NTRK3: variants seen among roughly 807,000 people sequenced by gnomAD.
The protein encoded by NTRK3 is NT-3 growth factor receptor.
NTRK3 carries 24 observed loss-of-function variants against 91.7 expected under a neutral mutation model. That is an observed-to-expected ratio of 0.26 (90% CI 0.19 to 0.37). The LOEUF (loss-of-function observed/expected upper bound fraction) is 0.37. Among genes scored for constraint, NTRK3 ranks in the 10% least tolerant of loss-of-function variants. The pLI is 1.00. For synonymous variants in NTRK3, 483 were observed against 404.0 expected, an observed-to-expected ratio of 1.20 and a Z score of -2.34; for missense variants, 880 against 1,068.9, an observed-to-expected ratio of 0.82 and a Z score of 2.46.
chr15:87,964,880 C>A (rs2072646583), intron 14 of NTRK3, among the ~76,000 whole-genome samples: 1 of 152,184 alleles, frequency 6.6e-6, no homozygotes, highest in African/African-American at 2.4e-5. Context: ...TTTCTCCATT[C>A]ACCAGTCAAT....
chr15:87,918,888 G>A (rs554972372), intron 17 of NTRK3, among the ~76,000 whole-genome samples: 1 of 152,154 alleles, frequency 6.6e-6, no homozygotes, highest in East Asian at 1.9e-4. Flanking sequence ...GTTAACTAGA[G>A]TTGAGGTTAA....
At chr15:88,136,687 G>T (rs2041908693) in intron 7 of NTRK3, 78 bp from the exon 8 acceptor site, 1 of 1,539,954 alleles carries the variant, frequency 6.5e-7, no homozygotes, top group African/African-American at 1.4e-5. Context: ...GGGGCTGATG[G>T]TGGCACTTCT....
At chr15:88,091,615 G>C (rs2049021719) in intron 13 of NTRK3, among the ~76,000 whole-genome samples, 1 of 152,172 alleles carries the variant, frequency 6.6e-6, no homozygotes. Flanking sequence ...ATGGGCACAA[G>C]GGTAGGGAGA....
At chr15:88,238,095 T>C (rs1019924112) in intron 3 of NTRK3, among the ~76,000 whole-genome samples, 2 of 151,986 alleles carry the variant, frequency 1.3e-5, no homozygotes, top group Admixed American at 1.3e-4. Flanking sequence ...CATGTAAAGA[T>C]ACAGTGAGAA....
intron 13 of NTRK3, among the ~76,000 whole-genome samples, chr15:88,046,030 C>A (rs558643455): frequency 2.6e-5 from 4 of 152,340 alleles, no homozygotes; most frequent in African/African-American, 9.6e-5. Context: ...GGACACAATT[C>A]AACCCACAGC....
intron 17 of NTRK3, among the ~76,000 whole-genome samples, chr15:87,923,440 G>A (rs1474286373): frequency 6.6e-6 from 1 of 152,178 alleles, no homozygotes; most frequent in Non-Finnish European, 1.5e-5. Context: ...CCCCACACAA[G>A]GAAAAGGGTA....
chr15:87,908,308 A>G (rs1255753886), intron 17 of NTRK3, among the ~76,000 whole-genome samples: 1 of 151,996 alleles, frequency 6.6e-6, no homozygotes, highest in Non-Finnish European at 1.5e-5. Context: ...AAGCACATCA[A>G]TGGCTTTGGC....
intron 7 of NTRK3, among the ~76,000 whole-genome samples, 195 bp downstream of exon 7, chr15:88,137,209 C>T (rs1228684184): frequency 1.3e-5 from 2 of 152,184 alleles, no homozygotes; most frequent in East Asian, 1.9e-4. Flanking sequence ...CTTCCTATGG[C>T]TCGTGCACAA....
At chr15:88,009,941 A>G (rs2076754539) in intron 14 of NTRK3, among the ~76,000 whole-genome samples, 4 of 152,228 alleles carry the variant, frequency 2.6e-5, no homozygotes, top group Admixed American at 2.0e-4. Context: ...CAGATCCACC[A>G]AACTTATCCA....
chr15:87,887,942 A>C (rs192968195), intron 17 of NTRK3, among the ~76,000 whole-genome samples: 67 of 152,298 alleles, frequency 4.4e-4, no homozygotes, highest in Non-Finnish European at 8.7e-4. Flanking sequence ...CTACTGACCC[A>C]AGCTCTCAAT....
chr15:88,070,355 C>T (rs559713603), intron 13 of NTRK3, among the ~76,000 whole-genome samples: 1 of 152,046 alleles, frequency 6.6e-6, no homozygotes, highest in African/African-American at 2.4e-5. Context: ...CCAACTTGAG[C>T]CAGAAGGAAG....
At chr15:87,880,306 A>G (rs2065173547) in exon 18 of NTRK3, 1 of 1,613,896 alleles carries the variant, frequency 6.2e-7, no homozygotes, top group Non-Finnish European at 8.5e-7. Flanking sequence ...GCTGCTTTCC[A>G]TAGGTGAAGA....
chr15:88,161,886 A>G (rs1401065792), intron 5 of NTRK3, among the ~76,000 whole-genome samples: 1 of 152,152 alleles, frequency 6.6e-6, no homozygotes, highest in Non-Finnish European at 1.5e-5. Flanking sequence ...AGGAGCTGGC[A>G]GGGATTTTTT....
At chr15:87,952,206 GA>G (rs2071182834) in intron 14 of NTRK3, among the ~76,000 whole-genome samples, 1 of 140,466 alleles carries the variant, frequency 7.1e-6, no homozygotes, top group Non-Finnish European at 1.6e-5. Context: ...AGGAAAGAAA[GA>G]AAGAAGAAAA....
At chr15:87,970,621 G>T (rs11630902) in intron 14 of NTRK3, among the ~76,000 whole-genome samples, 51,723 of 152,066 alleles carry the variant, frequency 0.34, 9,841 homozygotes, top group East Asian at 0.75. Context: ...GTTTACAGCA[G>T]GACTTCTTGG....
intron 3 of NTRK3, among the ~76,000 whole-genome samples, chr15:88,248,555 T>C (rs886701699): frequency 1.3e-5 from 2 of 152,212 alleles, no homozygotes; most frequent in Admixed American, 6.5e-5. Flanking sequence ...TGCATATATA[T>C]GTGTATGCTA....
Position 88,171,483 on chromosome 15 carries a change from G to A in NTRK3, c.395+11935C>T, listed in dbSNP as rs112503067. Reference sequence around the variant, plus strand: ...ATACAGGGGGCAGAATCCCAAAGACGCCTCAAACCCAGGGGCTTCGAGCTT... The same window carrying A: ...ATACAGGGGGCAGAATCCCAAAGACACCTCAAACCCAGGGGCTTCGAGCTT... On this transcript the variant is annotated intron_variant, in intron 5 of 18. Transcript: ENST00000394480. 4.3e-3 allele frequency among the ~76,000 whole-genome samples: 662 copies of A among 152,198 alleles called. 3 individuals are homozygous for A. The highest frequency in any genetic ancestry group is 0.015 in the African/African-American group (603 of 41,514).
In NTRK3 at chr15:88,223,388, C is replaced by G. The variant is rs372572683; in HGVS notation, c.248+32518G>C. Among the ~76,000 whole-genome samples the G allele has an allele frequency of 1.7e-4, 26 of 152,324 alleles. No individual in the cohort carries two copies. In the East Asian group the frequency reaches 4.3e-3, roughly 25 times the overall value. ...CTTCCTCCCCAGAGCCCCTCTCTGC[C>G]CACACGCTCAGAGGCAGAAGGAGCA... On this transcript the variant is annotated intron_variant, in intron 3 of 18. Transcript: ENST00000394480.
At chr15:87,869,912 C>T (rs774571128) in exon 19 of NTRK3, 4 of 190,968 alleles carry the variant, frequency 2.1e-5, no homozygotes, top group Non-Finnish European at 3.3e-5. Context: ...TGTGAAACTC[C>T]CATGTGTTCT....
Sources: gnomAD v4.1 joint callset for allele counts (sites outside exome capture counted in the v4.1 genomes callset) on GRCh38, gnomAD v4.1.1 for gene constraint, MANE v1.5 for transcripts, NCBI Gene and HGNC (gene_info 2026-07-23, HGNC 2026-07-21) for gene names.